CDC42BPA: variants seen among roughly 807,000 people sequenced by gnomAD.
CDC42BPA encodes CDC42 binding protein kinase alpha, also known as serine/threonine-protein kinase MRCK alpha.
Under a neutral mutation model 223.5 loss-of-function variants are expected in CDC42BPA, and 80 were observed. The ratio of observed to expected loss-of-function variants is 0.36; its 90% CI spans 0.30 to 0.43. The LOEUF (loss-of-function observed/expected upper bound fraction) is 0.43, where lower values mean the gene tolerates loss of function less well. Among genes scored for constraint, CDC42BPA ranks in the 20% least tolerant of loss-of-function variants. The pLI is 1.00. For synonymous variants in CDC42BPA, 694 were observed against 718.6 expected (o/e 0.97, Z 0.55); for missense variants, 1,743 against 2,099.9 (o/e 0.83, Z 3.32).
chr1:227,281,882 G>C (rs1204329138), intron 1 of CDC42BPA, among the ~76,000 whole-genome samples: 1 of 152,062 alleles, frequency 6.6e-6, no homozygotes, highest in Non-Finnish European at 1.5e-5. Flanking sequence ...CAGGAAAAAA[G>C]AGTTCTAATA....
chr1:227,312,409 T>C (rs1017019777), intron 1 of CDC42BPA, among the ~76,000 whole-genome samples: 1 of 152,220 alleles, frequency 6.6e-6, no homozygotes, highest in African/African-American at 2.4e-5. Flanking sequence ...TATGGGACAT[T>C]TCATAAAATT....
intron 7 of CDC42BPA, among the ~76,000 whole-genome samples, chr1:227,146,975 GA>G (rs982442726): frequency 2.6e-5 from 4 of 151,404 alleles, no homozygotes; most frequent in Admixed American, 6.6e-5. Flanking sequence ...AATTTGACAA[GA>G]AAAAAAAGTA....
chr1:227,207,107 G>A (rs61834571), intron 3 of CDC42BPA, among the ~76,000 whole-genome samples: 42,351 of 107,352 alleles, frequency 0.39, 7,887 homozygotes, highest in Middle Eastern at 0.53. Flanking sequence ...ACAGTCCCCC[G>A]GAGTGTGATG....
intron 2 of CDC42BPA, among the ~76,000 whole-genome samples, chr1:227,240,429 C>T (rs1312725211): frequency 6.6e-6 from 1 of 151,868 alleles, no homozygotes; most frequent in South Asian, 2.1e-4. Flanking sequence ...TTCTAAAATG[C>T]AAAAGTCTTC....
intron 35 of CDC42BPA, among the ~76,000 whole-genome samples, chr1:227,000,031 T>C (rs1371458852): frequency 6.6e-6 from 1 of 151,836 alleles, no homozygotes; most frequent in African/African-American, 2.4e-5. Context: ...CAAACTACCA[T>C]GGCACATGTA....
At chr1:227,211,912 T>C (rs1460041952) in intron 3 of CDC42BPA, among the ~76,000 whole-genome samples, 1 of 151,806 alleles carries the variant, frequency 6.6e-6, no homozygotes, top group Non-Finnish European at 1.5e-5. Context: ...CCTAAATATA[T>C]AAAAACAAAA....
chr1:227,293,189 T>C (rs1689998334), intron 1 of CDC42BPA, among the ~76,000 whole-genome samples: 1 of 152,172 alleles, frequency 6.6e-6, no homozygotes. Flanking sequence ...GGGGAAGAGC[T>C]GGTAAGCAAA....
chr1:227,200,771 T>G, intron 3 of CDC42BPA, among the ~76,000 whole-genome samples: 1 of 152,218 alleles, frequency 6.6e-6, no homozygotes. Context: ...TTTAGCCAAT[T>G]GTCTTTCCTG....
At chr1:227,141,758 T>C (rs994514264) in intron 9 of CDC42BPA, among the ~76,000 whole-genome samples, 7 of 152,218 alleles carry the variant, frequency 4.6e-5, no homozygotes, top group Non-Finnish European at 1.0e-4. Context: ...TATCTATGAC[T>C]GTGCCACTGC....
Position 226,992,092 on chromosome 1 carries a change from G to A in CDC42BPA, c.*2176C>T, listed in dbSNP as rs1054183086. On this transcript the variant is annotated 3_prime_UTR_variant, in exon 37 of 37. Coordinates refer to ENST00000366766, the MANE Select transcript of CDC42BPA (RefSeq NM_001394014.1). ...GAGGAGAGAAGGGTGGACAGAAGGG[G>A]TGCGAGCTGGTCACGAGCACCAAGC... 3 of 151,336 alleles carry A rather than the reference G, an allele frequency of 2.0e-5. No individual in the cohort carries two copies. Among genetic ancestry groups the A allele is most frequent in the Admixed American group, 1.3e-4 (2 of 15,214 alleles). The allele number at this position is 151,336 out of a possible 1,614,324, so 9.4% of individuals were successfully genotyped here. A position where few individuals can be genotyped will look rare whatever the true frequency, so the allele number is the denominator to read the frequency against.
At chr1:227,168,429 C>T (rs1665438530) in intron 5 of CDC42BPA, among the ~76,000 whole-genome samples, 1 of 147,966 alleles carries the variant, frequency 6.8e-6, no homozygotes, top group South Asian at 2.1e-4. Context: ...TGCTCTCTGT[C>T]TTTGGATTTC....
chr1:227,290,787 G>A (rs769670330), intron 1 of CDC42BPA, among the ~76,000 whole-genome samples: 2 of 152,080 alleles, frequency 1.3e-5, no homozygotes, highest in Non-Finnish European at 2.9e-5. Flanking sequence ...CACTGGCCCA[G>A]AATCCCTAAA....
Position 227,243,313 on chromosome 1 carries a change from G to A in CDC42BPA, c.270+10751C>T, listed in dbSNP as rs139609300. ...TTAACAAACCTGCAAGTGTACCCCT[G>A]ACCTTAAGAACTGTTTTTAAAAAAG... On this transcript the variant is annotated intron_variant, in intron 2 of 36. Coordinates refer to ENST00000366766, the MANE Select transcript of CDC42BPA (RefSeq NM_001394014.1). Among the ~76,000 whole-genome samples the A allele has an allele frequency of 6.0e-4, 92 of 152,238 alleles. 1 individual carries two copies. Among genetic ancestry groups the A allele is most frequent in the East Asian group, 1.9e-4 (1 of 5,182 alleles).
intron 1 of CDC42BPA, among the ~76,000 whole-genome samples, chr1:227,264,621 TAA>T (rs1684668441): frequency 7.0e-6 from 1 of 143,490 alleles, no homozygotes; most frequent in Admixed American, 6.8e-5. Context: ...ACAATTCAGT[TAA>T]GAGTATACAT....
intron 5 of CDC42BPA, among the ~76,000 whole-genome samples, chr1:227,186,828 G>A (rs754954717): frequency 9.9e-5 from 15 of 152,108 alleles, no homozygotes; most frequent in Non-Finnish European, 1.6e-4. Flanking sequence ...CAAACCCAGG[G>A]GCAATTGTTT....
chr1:227,235,395 T>C (rs1157851266), intron 2 of CDC42BPA: 1 of 152,258 alleles, frequency 6.6e-6, no homozygotes, highest in Non-Finnish European at 1.5e-5. Flanking sequence ...GCAAAAGTTT[T>C]TTCTTAAATA....
intron 22 of CDC42BPA, among the ~76,000 whole-genome samples, chr1:227,050,410 A>C (rs545672275): frequency 1.1e-4 from 16 of 152,332 alleles, no homozygotes; most frequent in Admixed American, 2.6e-4. Context: ...GGCAAGATCC[A>C]GTTAAACTTG....
intron 1 of CDC42BPA, among the ~76,000 whole-genome samples, chr1:227,265,413 G>A (rs1008659618): frequency 6.6e-6 from 1 of 152,046 alleles, no homozygotes; most frequent in Non-Finnish European, 1.5e-5. Context: ...ATAAAAAAAA[G>A]TTTCAAAAAT....
intron 21 of CDC42BPA, among the ~76,000 whole-genome samples, chr1:227,058,672 T>C (rs1675106722): frequency 6.6e-6 from 1 of 152,108 alleles, no homozygotes; most frequent in Non-Finnish European, 1.5e-5. Context: ...AGCACAGAGG[T>C]AGTGGCTGAC....
Sources: allele counts gnomAD v4.1 joint callset (sites outside exome capture counted in the v4.1 genomes callset), GRCh38; gene constraint gnomAD v4.1.1; transcripts MANE v1.5; gene names NCBI Gene and HGNC (gene_info 2026-07-23, HGNC 2026-07-21).